Variants in GABRA5 observed in about 807,000 individuals in gnomAD.
GABRA5 encodes gamma-aminobutyric acid type A receptor subunit alpha5.
Under a neutral mutation model 47.3 loss-of-function variants are expected in GABRA5, and 18 were observed. The ratio of observed to expected loss-of-function variants is 0.38; its 90% CI spans 0.26 to 0.56. The LOEUF (loss-of-function observed/expected upper bound fraction) is 0.56. Ranked by LOEUF, GABRA5 falls within the 20% of genes least tolerant of loss-of-function variation. The probability of loss-of-function intolerance (pLI) is 0.71; values close to 1 mark genes in which losing one functional copy is unlikely to be tolerated. For missense variants in GABRA5, 365 were observed against 599.3 expected, an observed-to-expected ratio of 0.61 and a Z score of 4.08; for synonymous variants, 237 against 229.3, an observed-to-expected ratio of 1.03 and a Z score of -0.30.
chr15:26,874,410 A>G (rs1332473720), intron 3 of GABRA5, among the ~76,000 whole-genome samples: 2 of 152,154 alleles, frequency 1.3e-5, no homozygotes, highest in African/African-American at 2.4e-5. Flanking sequence ...AGTGTGTCCA[A>G]GTTTTACCAT....
intron 6 of GABRA5, among the ~76,000 whole-genome samples, chr15:26,893,388 A>AGTATGTGTATGGT (rs1893078113): frequency 2.9e-5 from 1 of 34,286 alleles, no homozygotes; most frequent in Non-Finnish European, 6.7e-5. Context: ...GACTATATGG[A>AGTATGTGTATGGT]GTATGTGTAT....
At chr15:26,870,523 C>T (rs538135517) in intron 3 of GABRA5, among the ~76,000 whole-genome samples, 2 of 152,368 alleles carry the variant, frequency 1.3e-5, no homozygotes, top group Admixed American at 1.3e-4. Context: ...TCTAACCACA[C>T]TGACGGGAAC....
rs186645889 is a variant in GABRA5, at chr15:26,888,516, G to C, written c.497+4959G>C. 8.1e-4 allele frequency among the ~76,000 whole-genome samples: 124 copies of C among 152,170 alleles called. 1 individual carries two copies. The highest frequency in any genetic ancestry group is 2.8e-3 in the African/African-American group (115 of 41,514). Reference sequence around the variant, plus strand: ...CAGGGACTGGCCCGAGGTCATCTAGGGTCCAGATGGATGACCGTCCCTTAA... The same window carrying C: ...CAGGGACTGGCCCGAGGTCATCTAGCGTCCAGATGGATGACCGTCCCTTAA... On this transcript the variant is annotated intron_variant, in intron 6 of 10. Transcript: ENST00000335625.
intron 3 of GABRA5, chr15:26,877,631 G>A (rs567616134): frequency 2.2e-6 from 1 of 455,296 alleles, no homozygotes; most frequent in Admixed American, 2.4e-5. Context: ...AGCACCCGTG[G>A]TGGAATGACA....
intron 6 of GABRA5, among the ~76,000 whole-genome samples, chr15:26,910,597 CAAAA>C (rs34894641): frequency 0.088 from 12,827 of 146,550 alleles, 937 homozygotes; most frequent in African/African-American, 0.2. Flanking sequence ...GAGACTCCAT[CAAAA>C]AAAAAAAAAA....
chr15:26,900,474 G>A (rs1433965640), intron 6 of GABRA5, among the ~76,000 whole-genome samples: 1 of 151,894 alleles, frequency 6.6e-6, no homozygotes, highest in African/African-American at 2.4e-5. Flanking sequence ...GATTCCTTTG[G>A]CATTTATTAT....
chr15:26,936,262 G>A (rs1003317523), intron 7 of GABRA5, among the ~76,000 whole-genome samples: 3 of 152,126 alleles, frequency 2.0e-5, no homozygotes, highest in Non-Finnish European at 2.9e-5. Flanking sequence ...TCATAGCAGC[G>A]TGAGAACGGA....
At chr15:26,913,196 A>T (rs1475692808) in intron 6 of GABRA5, among the ~76,000 whole-genome samples, 3 of 152,102 alleles carry the variant, frequency 2.0e-5, no homozygotes, top group African/African-American at 7.2e-5. Flanking sequence ...AAAAAAAAAA[A>T]AAAAATCCTC....
chr15:26,894,388 C>T (rs1893125550), intron 6 of GABRA5, among the ~76,000 whole-genome samples: 1 of 152,186 alleles, frequency 6.6e-6, no homozygotes. Context: ...GCCTCGCGGG[C>T]AGCCAGTGGG....
intron 7 of GABRA5, among the ~76,000 whole-genome samples, chr15:26,917,549 C>T (rs182727941): frequency 1.6e-4 from 25 of 152,050 alleles, no homozygotes; most frequent in Non-Finnish European, 1.0e-4. Flanking sequence ...ATATTTTTGA[C>T]CACTTTTCAT....
At chr15:26,939,467 A>AG in intron 8 of GABRA5, 1 of 752,640 alleles carries the variant, frequency 1.3e-6, no homozygotes, top group South Asian at 1.4e-5. Flanking sequence ...CAGCCAGCAC[A>AG]GGGCCTGCTG....
Position 26,883,422 on chromosome 15 carries a change from A to G in GABRA5, c.362A>G (p.Asn121Ser), listed in dbSNP as rs750360886. The change falls in exon 6 of 11, where the codon AAC becomes AGC. Residue 121 changes from asparagine (N) to serine (S), a missense_variant. By Grantham distance (46) the Asn-to-Ser change is conservative. This residue lies in a region of GABRA5 where 216 missense variants were observed against 335.3 expected (regional missense o/e 0.64). Coordinates refer to ENST00000335625, the MANE Select transcript of GABRA5 (RefSeq NM_000810.4). This position sits in a 1 kb window ranked among gnomAD's most constrained non-coding sequence, Gnocchi z 4.8. Reference protein sequence around the residue: ...FKGPMQRLPLNNLLASKIWTP... With the variant: ...FKGPMQRLPLSNLLASKIWTP... ...GGGCCCATGCAGCGCCTCCCTCTCA[A>G]CAACCTCCTTGCCAGCAAGATCTGG... 6.2e-7 allele frequency: 1 copy of G among 1,614,064 alleles called. No individual in the cohort carries two copies. Among genetic ancestry groups the G allele is most frequent in the Non-Finnish European group, 8.5e-7 (1 of 1,179,954 alleles).
intron 7 of GABRA5, among the ~76,000 whole-genome samples, chr15:26,932,009 A>G (rs1459034467): frequency 1.3e-5 from 2 of 152,236 alleles, no homozygotes; most frequent in East Asian, 1.9e-4. Flanking sequence ...CCAACACTAT[A>G]AAAACCCTGG....
At chr15:26,879,817 G>C (rs956033415) in intron 3 of GABRA5, among the ~76,000 whole-genome samples, 4 of 152,168 alleles carry the variant, frequency 2.6e-5, no homozygotes, top group African/African-American at 9.7e-5. Context: ...CCACAGCTGG[G>C]CACTTCAGGG....
intron 3 of GABRA5, among the ~76,000 whole-genome samples, chr15:26,876,466 CAG>C (rs1892599795): frequency 6.6e-6 from 1 of 152,098 alleles, no homozygotes; most frequent in Non-Finnish European, 1.5e-5. Context: ...AAGGGAAAGA[CAG>C]ACAGAGCCGT....
At chr15:26,937,059 G>T in intron 7 of GABRA5, 126 bp from the exon 8 acceptor site, 1 of 1,160,144 alleles carries the variant, frequency 8.6e-7, no homozygotes, top group Admixed American at 1.7e-5. Context: ...GCATTTTTTA[G>T]GTCATGGAAC....
At chr15:26,921,756 C>T (rs1263176848) in intron 7 of GABRA5, among the ~76,000 whole-genome samples, 1 of 152,010 alleles carries the variant, frequency 6.6e-6, no homozygotes, top group Admixed American at 6.6e-5. Flanking sequence ...TATAGCACTG[C>T]CTTAGCTGTT....
At chr15:26,921,882 C>G (rs529429669) in intron 7 of GABRA5, among the ~76,000 whole-genome samples, 74 of 152,190 alleles carry the variant, frequency 4.9e-4, no homozygotes, top group African/African-American at 1.7e-3. Flanking sequence ...TATTTAGTTT[C>G]CAACTGTTTG....
chr15:26,872,310 C>T (rs1366475124), intron 3 of GABRA5, among the ~76,000 whole-genome samples: 1 of 152,182 alleles, frequency 6.6e-6, no homozygotes, highest in Non-Finnish European at 1.5e-5. Context: ...ATGAGCTGAG[C>T]ACCGTTAGCC....
Sources: gnomAD v4.1 joint callset for allele counts (sites outside exome capture counted in the v4.1 genomes callset) on GRCh38, gnomAD v4.1.1 for gene constraint, gnomAD v4.1.1 regional missense constraint, Gnocchi (gnomAD v3.1) non-coding constraint, MANE v1.5 for transcripts, NCBI Gene and HGNC (gene_info 2026-07-23, HGNC 2026-07-21) for gene names.